Variants in KDM5A observed in about 807,000 individuals in gnomAD.
KDM5A encodes lysine demethylase 5A, also known as lysine-specific demethylase 5A.
KDM5A carries 42 observed loss-of-function variants against 193.5 expected under a neutral mutation model. The ratio of observed to expected loss-of-function variants is 0.22; its 90% CI spans 0.17 to 0.28. The LOEUF is 0.28. Ranked by LOEUF, KDM5A falls within the 10% of genes least tolerant of loss-of-function variation. KDM5A has a pLI of 1.00. For missense variants in KDM5A, 1,692 were observed against 2,055.1 expected (o/e 0.82, Z 3.42); for synonymous variants, 796 against 718.1 (o/e 1.11, Z -1.73).
Position 306,912 on chromosome 12 carries a change from G to C in KDM5A, c.4074+34C>G, listed in dbSNP as rs1466623590. 5.0e-6 allele frequency: 8 copies of C among 1,601,046 alleles called. No homozygotes were observed. The South Asian group carries it at 8.8e-5, about 18-fold the overall frequency. ...TTTTTTTAAACAAACCCAATGATCAGGTATGTACCCACACAGCTTGTCCAT... is the reference window on the plus strand; with the variant it reads ...TTTTTTTAAACAAACCCAATGATCACGTATGTACCCACACAGCTTGTCCAT... On this transcript the variant is annotated intron_variant, in intron 24 of 27. Coordinates refer to ENST00000399788, the MANE Select transcript of KDM5A (RefSeq NM_001042603.3).
At chr12:369,770 A>C (rs1461898380) in intron 3 of KDM5A, among the ~76,000 whole-genome samples, 1 of 152,180 alleles carries the variant, frequency 6.6e-6, no homozygotes, top group Non-Finnish European at 1.5e-5. Flanking sequence ...GAACTCAGGG[A>C]GGCAACAGAA....
chr12:311,603 T>C, intron 20 of KDM5A, among the ~76,000 whole-genome samples: 1 of 152,098 alleles, frequency 6.6e-6, no homozygotes, highest in East Asian at 1.9e-4. Flanking sequence ...AGACAACAAC[T>C]ACTGCCTGAG....
chr12:342,594 G>A (rs908249853), intron 10 of KDM5A, among the ~76,000 whole-genome samples: 4 of 151,880 alleles, frequency 2.6e-5, no homozygotes, highest in African/African-American at 7.3e-5. Context: ...AGAGTAGCTG[G>A]GATTACAGGC....
intron 25 of KDM5A, 82 bp from the exon 26 acceptor site, chr12:295,875 T>TA (rs1375408380): frequency 8.8e-7 from 1 of 1,135,046 alleles, no homozygotes; most frequent in African/African-American, 1.5e-5. Context: ...ATATTGAGAC[T>TA]AGCCCCCCAT....
Position 307,110 on chromosome 12 carries a change from A to C in KDM5A, c.3931-21T>G, listed in dbSNP as rs773981104. Reference sequence around the variant, plus strand: ...TGTCCCTAAACAACAAATAATTCCAAGATGAACAGCAAGACATGCTAAACA... The same window carrying C: ...TGTCCCTAAACAACAAATAATTCCACGATGAACAGCAAGACATGCTAAACA... On this transcript the variant is annotated intron_variant, in intron 23 of 27. Coordinates refer to ENST00000399788, the MANE Select transcript of KDM5A (RefSeq NM_001042603.3). The surrounding 1 kb of genome is among the most constrained non-coding windows in gnomAD (Gnocchi z 4.3). 2.5e-6 allele frequency: 4 copies of C among 1,613,998 alleles called. No homozygotes were observed. Among genetic ancestry groups the C allele is most frequent in the African/African-American group, 1.3e-5 (1 of 74,936 alleles).
chr12:354,203 C>T lies in KDM5A; in HGVS notation c.902G>A (p.Arg301Gln), dbSNP rs1199969646. ...VDLYVCMFCG[R>Q]GNNEDKLLLC... The stretch of plus-strand genomic sequence containing the variant: ...AAGCAATTTATCTTCATTGTTTCCC[C>T]GACCACAAAACATACAAACATAGAG... The change falls in exon 8 of 28, where the codon CGG becomes CAG. Residue 301 changes from arginine (R) to glutamine (Q), a missense_variant. Physicochemically the swap from Arg to Gln is conservative, Grantham distance 43. Around this residue, in one of 11 missense-constraint regions of KDM5A, gnomAD observed 62 missense variants for 107.1 expected, o/e 0.58. Transcript: ENST00000399788. 1.9e-6 allele frequency: 3 copies of T among 1,610,106 alleles called. No individual in the cohort carries two copies. The highest frequency in any genetic ancestry group is 1.7e-6 in the Non-Finnish European group (2 of 1,177,020).
At chr12:353,976 G>T in intron 8 of KDM5A, 100 bp downstream of exon 8, 2 of 921,066 alleles carry the variant, frequency 2.2e-6, no homozygotes, top group Non-Finnish European at 3.5e-6. Flanking sequence ...AAGACAGAAT[G>T]ACAAAAGGAA....
chr12:331,793 C>T (rs1159793616), intron 13 of KDM5A, 26 bp downstream of exon 13: 1 of 1,613,438 alleles, frequency 6.2e-7, no homozygotes. Context: ...AGTAGACGTA[C>T]AACAGCCACT....
chr12:312,402 TTTTA>T (rs1485344826), intron 20 of KDM5A, among the ~76,000 whole-genome samples: 1 of 152,220 alleles, frequency 6.6e-6, no homozygotes, highest in African/African-American at 2.4e-5. Flanking sequence ...GTTAATTTCA[TTTTA>T]TTTTTCTGCC....
At chr12:369,228 G>A (rs1170029578) in intron 3 of KDM5A, among the ~76,000 whole-genome samples, 1 of 152,184 alleles carries the variant, frequency 6.6e-6, no homozygotes, top group Non-Finnish European at 1.5e-5. Context: ...TCAAAGTACA[G>A]AGAAAGACAC....
At chr12:357,185 GCTGGAGATCA>G (rs1398204035) in intron 5 of KDM5A, among the ~76,000 whole-genome samples, 2 of 152,014 alleles carry the variant, frequency 1.3e-5, no homozygotes, top group Admixed American at 1.3e-4. Context: ...GGAGGCTGAG[GCTGGAGATCA>G]CTTGAGTTTG....
At chr12:361,594 G>A (rs1944295761) in intron 5 of KDM5A, among the ~76,000 whole-genome samples, 1 of 152,170 alleles carries the variant, frequency 6.6e-6, no homozygotes, top group Non-Finnish European at 1.5e-5. Context: ...ACAAGCTGGT[G>A]ATTGGTTAGA....
intron 5 of KDM5A, among the ~76,000 whole-genome samples, chr12:361,544 T>C (rs552657063): frequency 6.6e-6 from 1 of 152,040 alleles, no homozygotes; most frequent in Non-Finnish European, 1.5e-5. Flanking sequence ...AGGCAAGACA[T>C]CTTCATGGTT....
At chr12:318,773 A>G (rs1219243406) in intron 18 of KDM5A, among the ~76,000 whole-genome samples, 1 of 152,238 alleles carries the variant, frequency 6.6e-6, no homozygotes, top group Non-Finnish European at 1.5e-5. Context: ...TTCAGAGAAC[A>G]TACATTCTAA....
At chr12:287,119 C>T (rs1241369676) in intron 27 of KDM5A, among the ~76,000 whole-genome samples, 2 of 152,162 alleles carry the variant, frequency 1.3e-5, no homozygotes, top group Non-Finnish European at 2.9e-5. Context: ...CTACTCATTA[C>T]CCTACACTAC....
intron 3 of KDM5A, among the ~76,000 whole-genome samples, chr12:371,298 G>A (rs1276481057): frequency 6.6e-6 from 1 of 152,110 alleles, no homozygotes; most frequent in Non-Finnish European, 1.5e-5. Flanking sequence ...ACTTTTTAAT[G>A]ATCACCACTC....
rs895447127 is a variant in KDM5A, at chr12:280,190, T to C, written c.*5266A>G. 3 of 232,468 alleles carry C rather than the reference T, an allele frequency of 1.3e-5. No homozygotes were observed. Among genetic ancestry groups the C allele is most frequent in the South Asian group, 3.6e-4 (2 of 5,532 alleles). The allele number at this position is 232,468 out of a possible 1,614,324, so 14.4% of individuals were successfully genotyped here. ...TCACATAATATAGTATTTGATTCCA[T>C]TCTTTTGTACTGTTCCCTACTTTTA... On this transcript the variant is annotated 3_prime_UTR_variant, in exon 28 of 28. Coordinates refer to ENST00000399788, the MANE Select transcript of KDM5A (RefSeq NM_001042603.3).
intron 22 of KDM5A, 63 bp downstream of exon 22, chr12:309,740 G>T (rs1450040642): frequency 1.3e-6 from 2 of 1,536,722 alleles, no homozygotes; most frequent in Admixed American, 3.3e-5. Context: ...CTGTGAGTCT[G>T]CTAATATCTC....
intron 24 of KDM5A, among the ~76,000 whole-genome samples, chr12:297,683 G>C (rs1282842866): frequency 6.6e-6 from 1 of 152,166 alleles, no homozygotes; most frequent in African/African-American, 2.4e-5. Context: ...ATTAGATACA[G>C]TTTGAATGAA....
Sources: gnomAD v4.1 joint callset for allele counts (sites outside exome capture counted in the v4.1 genomes callset) on GRCh38, gnomAD v4.1.1 for gene constraint, gnomAD v4.1.1 regional missense constraint, Gnocchi (gnomAD v3.1) non-coding constraint, MANE v1.5 for transcripts, NCBI Gene and HGNC (gene_info 2026-07-23, HGNC 2026-07-21) for gene names.